Variants in CHN2 observed in about 807,000 individuals in gnomAD.
The protein encoded by CHN2 is beta-chimaerin.
In CHN2, 35 loss-of-function variants were observed where a neutral mutation model predicts 56.3. The ratio of observed to expected loss-of-function variants is 0.62; its 90% confidence interval spans 0.47 to 0.82. The LOEUF (loss-of-function observed/expected upper bound fraction) is 0.82. Ranked by LOEUF, CHN2 falls within the 40% of genes least tolerant of loss-of-function variation. The probability of loss-of-function intolerance (pLI) is 0.00; values close to 1 mark genes in which losing one functional copy is unlikely to be tolerated. For missense variants in CHN2, 491 were observed against 580.5 expected (o/e 0.85, Z 1.58); for synonymous variants, 210 against 212.8 (o/e 0.99, Z 0.12).
intron 1 of CHN2, among the ~76,000 whole-genome samples, chr7:29,294,313 C>G (rs932398097): frequency 3.3e-5 from 5 of 152,062 alleles, no homozygotes; most frequent in Non-Finnish European, 5.9e-5. Context: ...TGGAGAAATA[C>G]TTTTGGGAGT....
At chr7:29,318,619 C>G (rs1003306545) in intron 1 of CHN2, among the ~76,000 whole-genome samples, 1 of 152,266 alleles carries the variant, frequency 6.6e-6, no homozygotes, top group African/African-American at 2.4e-5. Flanking sequence ...GAGCCAGTCA[C>G]AGTCATTTTT....
intron 2 of CHN2, among the ~76,000 whole-genome samples, chr7:29,360,930 C>T (rs538336912): frequency 6.6e-6 from 1 of 152,326 alleles, no homozygotes; most frequent in South Asian, 2.1e-4. Flanking sequence ...CTCACAATTT[C>T]TTAATCTGCT....
intron 2 of CHN2, among the ~76,000 whole-genome samples, chr7:29,166,341 G>C (rs956031953): frequency 2.0e-5 from 3 of 152,118 alleles, no homozygotes; most frequent in African/African-American, 7.2e-5. Context: ...GGATAGCAAA[G>C]TGTTTTATCC....
At chr7:29,204,586 C>T (rs920044990) in intron 1 of CHN2, among the ~76,000 whole-genome samples, 9 of 152,072 alleles carry the variant, frequency 5.9e-5, no homozygotes, top group Non-Finnish European at 1.0e-4. Context: ...AGTAGGTACC[C>T]TTTGAGTTGT....
chr7:29,285,690 C>T (rs557693226), intron 1 of CHN2, among the ~76,000 whole-genome samples: 7 of 152,312 alleles, frequency 4.6e-5, no homozygotes, highest in Non-Finnish European at 7.3e-5. Context: ...AACCTGAATA[C>T]AGGCTTCACA....
intron 1 of CHN2, among the ~76,000 whole-genome samples, chr7:29,214,831 T>C (rs1025086580): frequency 2.0e-5 from 3 of 152,224 alleles, no homozygotes; most frequent in Admixed American, 6.5e-5. Context: ...ATTGTTTCTC[T>C]TTCCTCTTTC....
intron 1 of CHN2, among the ~76,000 whole-genome samples, chr7:29,317,919 G>A (rs1386760059): frequency 8.5e-5 from 13 of 152,176 alleles, no homozygotes; most frequent in African/African-American, 3.1e-4. Context: ...AGGCGGCAGA[G>A]GTTGCAGTAA....
chr7:29,511,082 A>G (rs1385270043), intron 12 of CHN2, among the ~76,000 whole-genome samples: 2 of 147,434 alleles, frequency 1.4e-5, no homozygotes, highest in African/African-American at 5.0e-5. Flanking sequence ...TTTGATAAAA[A>G]TAAAATGAAC....
At chr7:29,418,035 T>C (rs1803951252) in intron 6 of CHN2, among the ~76,000 whole-genome samples, 1 of 152,114 alleles carries the variant, frequency 6.6e-6, no homozygotes. Context: ...GTGCCAGAAA[T>C]CCATACAGTC....
At chr7:29,186,016 G>GT (rs1798666048) in intron 2 of CHN2, among the ~76,000 whole-genome samples, 1 of 152,132 alleles carries the variant, frequency 6.6e-6, no homozygotes. Flanking sequence ...TCACTGTATT[G>GT]TTTGAGTAAG....
chr7:29,321,280 G>C (rs1376725714), intron 1 of CHN2, among the ~76,000 whole-genome samples: 4 of 152,268 alleles, frequency 2.6e-5, no homozygotes, highest in Non-Finnish European at 5.9e-5. Flanking sequence ...CATGCTAAGA[G>C]CTTGCTGTGC....
rs547578121 is a variant in CHN2, at chr7:29,323,684, G to A, written c.50-30941G>A. On this transcript the variant is annotated intron_variant, in intron 1 of 12. Coordinates refer to ENST00000222792, the MANE Select transcript of CHN2 (RefSeq NM_004067.4). ...GGGTGGCTGGGCTTGCTGCTGATTGGTTGGGGCAGAGATTAAATTATAGGG... is the reference window on the plus strand; with the variant it reads ...GGGTGGCTGGGCTTGCTGCTGATTGATTGGGGCAGAGATTAAATTATAGGG... 2.0e-4 allele frequency among the ~76,000 whole-genome samples: 30 copies of A among 152,054 alleles called. No individual in the cohort carries two copies. The South Asian group carries it at 6.0e-3, about 31-fold the overall frequency.
chr7:29,296,455 T>C (rs900080158), intron 1 of CHN2, among the ~76,000 whole-genome samples: 1 of 152,234 alleles, frequency 6.6e-6, no homozygotes. Flanking sequence ...ATGCTGTATT[T>C]GTAAGGATTC....
At chr7:29,488,259 T>G (rs1182661537) in intron 7 of CHN2, among the ~76,000 whole-genome samples, 1 of 152,220 alleles carries the variant, frequency 6.6e-6, no homozygotes, top group Non-Finnish European at 1.5e-5. Context: ...CATCTGGTCT[T>G]GCAAAAGGGG....
chr7:29,347,618 A>G (rs1368392469), intron 1 of CHN2, among the ~76,000 whole-genome samples: 1 of 152,180 alleles, frequency 6.6e-6, no homozygotes, highest in East Asian at 1.9e-4. Flanking sequence ...CCCATGATCC[A>G]ATCACCTCCT....
intron 6 of CHN2, among the ~76,000 whole-genome samples, chr7:29,450,343 T>C (rs1784320759): frequency 1.3e-5 from 2 of 152,236 alleles, no homozygotes; most frequent in African/African-American, 4.8e-5. Context: ...TTTATGCAGA[T>C]GTGATTACAT....
At chr7:29,325,278 C>A (rs546597006) in intron 1 of CHN2, among the ~76,000 whole-genome samples, 1 of 152,306 alleles carries the variant, frequency 6.6e-6, no homozygotes, top group East Asian at 1.9e-4. Flanking sequence ...TTCCTCTAAG[C>A]CCATGACACA....
chr7:29,500,119 A>G (rs1789794007), intron 9 of CHN2, 79 bp downstream of exon 9: 1 of 1,160,074 alleles, frequency 8.6e-7, no homozygotes, highest in Non-Finnish European at 1.2e-6. Flanking sequence ...AAGGAAACAG[A>G]GTTGCTCTAC....
intron 1 of CHN2, among the ~76,000 whole-genome samples, chr7:29,321,140 T>G (rs1193188311): frequency 6.6e-6 from 1 of 152,222 alleles, no homozygotes; most frequent in Admixed American, 6.5e-5. Context: ...AGTTGAAAAT[T>G]TTTTCAGAAA....
Sources: allele counts gnomAD v4.1 joint callset (sites outside exome capture counted in the v4.1 genomes callset), GRCh38; gene constraint gnomAD v4.1.1; transcripts MANE v1.5; gene names NCBI Gene and HGNC (gene_info 2026-07-23, HGNC 2026-07-21).